The following NRCAM variants were observed in gnomAD, a reference collection of about 807,000 sequenced individuals.
NRCAM encodes neuronal cell adhesion molecule.
In NRCAM, 83 loss-of-function variants were observed where a neutral mutation model predicts 156.5. The observed-to-expected ratio is 0.53, with a 90% confidence interval of 0.44 to 0.64. The LOEUF (loss-of-function observed/expected upper bound fraction) is 0.64. NRCAM is among the 30% of genes least tolerant of loss of function. The probability of loss-of-function intolerance (pLI) is 0.00; values close to 1 mark genes in which losing one functional copy is unlikely to be tolerated. For synonymous variants in NRCAM, 538 were observed against 563.9 expected (o/e 0.95, Z 0.65); for missense variants, 1,417 against 1,597.3 (o/e 0.89, Z 1.92).
At chr7:108,253,361 G>A (rs145329460) in intron 3 of NRCAM, among the ~76,000 whole-genome samples, 2 of 152,166 alleles carry the variant, frequency 1.3e-5, no homozygotes, top group East Asian at 1.9e-4. Context: ...CAAGAGGGAA[G>A]AGGAAAGACT....
At chr7:108,250,305 A>C (rs1338386772) in intron 3 of NRCAM, among the ~76,000 whole-genome samples, 4 of 151,880 alleles carry the variant, frequency 2.6e-5, no homozygotes, top group East Asian at 1.9e-4. Flanking sequence ...GAGCACCTGT[A>C]GTCCCAACTA....
intron 30 of NRCAM, 139 bp downstream of exon 30, chr7:108,166,782 T>TC: frequency 1.6e-6 from 1 of 628,130 alleles, no homozygotes. Context: ...AAACCAAAAC[T>TC]CCCAACCCAA....
intron 3 of NRCAM, among the ~76,000 whole-genome samples, chr7:108,275,397 T>C (rs1259836700): frequency 6.6e-6 from 1 of 152,186 alleles, no homozygotes; most frequent in Non-Finnish European, 1.5e-5. Flanking sequence ...GGCTATTAAT[T>C]ATTGCCTCAA....
chr7:108,315,153 A>C (rs1266845942), intron 2 of NRCAM, among the ~76,000 whole-genome samples: 4 of 152,210 alleles, frequency 2.6e-5, no homozygotes, highest in Non-Finnish European at 5.9e-5. Flanking sequence ...CAACATGCAA[A>C]ACTGTTCTGC....
chr7:108,277,140 C>T (rs1028861595), intron 3 of NRCAM, among the ~76,000 whole-genome samples: 10 of 152,130 alleles, frequency 6.6e-5, no homozygotes, highest in Non-Finnish European at 1.3e-4. Context: ...GTGGGTAACC[C>T]GACCTTTCTC....
chr7:108,160,357 T>C lies in NRCAM; in HGVS notation c.3598+4A>G, dbSNP rs1414069278. On this transcript the variant is annotated splice_donor_region_variant and intron_variant, in intron 31 of 32. Transcript: ENST00000379028. ...ATAAAGCAATTTTAATCTTTCTTTCTTACCTGGATATTTACCACCCTTGTT... is the reference window on the plus strand; with the variant it reads ...ATAAAGCAATTTTAATCTTTCTTTCCTACCTGGATATTTACCACCCTTGTT... The C allele has an allele frequency of 1.9e-6, 3 of 1,612,302 alleles. No homozygotes were observed. Among genetic ancestry groups the C allele is most frequent in the South Asian group, 2.2e-5 (2 of 90,880 alleles).
Position 108,192,575 on chromosome 7 carries a change from G to A in NRCAM, c.1779-722C>T, listed in dbSNP as rs537770761. Among the ~76,000 whole-genome samples, 7 of 152,244 alleles carry A rather than the reference G, an allele frequency of 4.6e-5. No individual in the cohort carries two copies. In the South Asian group the frequency reaches 1.5e-3, roughly 32 times the overall value. On this transcript the variant is annotated intron_variant, in intron 17 of 32. Coordinates refer to ENST00000379028, the MANE Select transcript of NRCAM (RefSeq NM_001037132.4). ...CACTGCTCTAGAGGGAGAGGAAGGA[G>A]CTTCCTTAAGTTCCCAGGGGAAGGA...
At chr7:108,164,569 A>AG (rs542273954) in intron 30 of NRCAM, among the ~76,000 whole-genome samples, 7 of 151,762 alleles carry the variant, frequency 4.6e-5, no homozygotes, top group African/African-American at 1.2e-4. Flanking sequence ...AGAGGAGAGG[A>AG]GAGGAGGAGC....
intron 2 of NRCAM, among the ~76,000 whole-genome samples, chr7:108,325,388 T>C (rs1322571179): frequency 1.3e-5 from 2 of 152,172 alleles, no homozygotes; most frequent in African/African-American, 2.4e-5. Context: ...CTTTCCTTCA[T>C]CTTGGGCAAC....
At chr7:108,342,156 T>C (rs2099290672) in intron 2 of NRCAM, among the ~76,000 whole-genome samples, 1 of 152,224 alleles carries the variant, frequency 6.6e-6, no homozygotes, top group Non-Finnish European at 1.5e-5. Context: ...CTGGACACTC[T>C]TGTCCTTCAG....
chr7:108,409,086 A>G (rs1792056547), intron 1 of NRCAM, among the ~76,000 whole-genome samples: 3 of 152,304 alleles, frequency 2.0e-5, no homozygotes, highest in African/African-American at 7.2e-5. Flanking sequence ...GGAGTCTCAC[A>G]CGGCCCCAGA....
chr7:108,184,647 C>T (rs1331239431), intron 20 of NRCAM, 33 bp from the exon 21 acceptor site: 1 of 1,590,848 alleles, frequency 6.3e-7, no homozygotes, highest in Non-Finnish European at 8.6e-7. Flanking sequence ...AAACCCAAGA[C>T]CGTGAATTCA....
chr7:108,453,780 A>G (rs1385623097), intron 1 of NRCAM, among the ~76,000 whole-genome samples: 1 of 152,266 alleles, frequency 6.6e-6, no homozygotes, highest in African/African-American at 2.4e-5. Context: ...AAGCTATTCC[A>G]GAAATAGCTG....
intron 28 of NRCAM, among the ~76,000 whole-genome samples, chr7:108,173,114 T>C (rs1237298372): frequency 6.6e-6 from 1 of 151,406 alleles, no homozygotes; most frequent in Non-Finnish European, 1.5e-5. Flanking sequence ...GCCTCCTGAG[T>C]AGCTGGGATT....
chr7:108,176,599 G>C lies in NRCAM; in HGVS notation c.2982C>G (p.Ser994Arg). 6.2e-7 allele frequency: 1 copy of C among 1,610,500 alleles called. No individual in the cohort carries two copies. Among genetic ancestry groups the C allele is most frequent in the Non-Finnish European group, 8.5e-7 (1 of 1,178,286 alleles). ...EYTLKYQPIN[S>R]THELGPLVDL... Reference sequence around the variant, plus strand: ...CTACCAGAGGGCCTAATTCATGTGTGCTGTTAACTGTCAATAAGAAATAAT... The same window carrying C: ...CTACCAGAGGGCCTAATTCATGTGTCCTGTTAACTGTCAATAAGAAATAAT... The change falls in exon 27 of 33, where the codon AGC becomes AGG. Residue 994 changes from serine to arginine, a missense_variant. By Grantham distance (110) the Ser-to-Arg change is moderately radical. Coordinates refer to ENST00000379028, the MANE Select transcript of NRCAM (RefSeq NM_001037132.4).
At chr7:108,199,882 T>C (rs1023868483) in intron 13 of NRCAM, among the ~76,000 whole-genome samples, 1 of 152,188 alleles carries the variant, frequency 6.6e-6, no homozygotes, top group African/African-American at 2.4e-5. Context: ...GTCTACCACA[T>C]ACTGTATCAC....
intron 32 of NRCAM, among the ~76,000 whole-genome samples, chr7:108,152,662 G>A (rs189995570): frequency 5.3e-5 from 8 of 152,238 alleles, no homozygotes; most frequent in Admixed American, 2.0e-4. Flanking sequence ...ATTAGGCCAC[G>A]CCCATTTATC....
At chr7:108,452,351 G>A (rs530626045) in intron 1 of NRCAM, among the ~76,000 whole-genome samples, 15 of 151,892 alleles carry the variant, frequency 9.9e-5, no homozygotes, top group African/African-American at 3.6e-4. Flanking sequence ...AAAATATCAT[G>A]TTGTACATAT....
intron 1 of NRCAM, among the ~76,000 whole-genome samples, chr7:108,419,806 A>T (rs1806782629): frequency 6.6e-6 from 1 of 152,204 alleles, no homozygotes; most frequent in East Asian, 1.9e-4. Flanking sequence ...TGAAAGTTGG[A>T]TTCTTTCTTG....
Sources: gnomAD v4.1 joint callset for allele counts (sites outside exome capture counted in the v4.1 genomes callset) on GRCh38, gnomAD v4.1.1 for gene constraint, MANE v1.5 for transcripts, NCBI Gene and HGNC (gene_info 2026-07-23, HGNC 2026-07-21) for gene names.